The following AMMECR1 variants were observed in gnomAD, a reference collection of about 807,000 sequenced individuals.
AMMECR1 encodes nuclear protein AMMECR1.
A neutral mutation model predicts 22.5 loss-of-function variants in AMMECR1; 3 were observed. The ratio of observed to expected loss-of-function variants is 0.13; its 90% CI spans 0.06 to 0.35. The LOEUF (loss-of-function observed/expected upper bound fraction) is 0.35. Among genes scored for constraint, AMMECR1 ranks in the 10% least tolerant of loss-of-function variants. AMMECR1 has a pLI of 1.00. For synonymous variants in AMMECR1, 130 were observed against 116.7 expected (o/e 1.11, Z -0.74); for missense variants, 235 against 278.7 (o/e 0.84, Z 1.12).
At chrX:110,300,290 A>G (rs1462148392) in intron 1 of AMMECR1, among the ~76,000 whole-genome samples, 1 of 112,113 alleles carries the variant, frequency 8.9e-6, no homozygotes, top group Non-Finnish European at 1.9e-5. Context: ...AGTGATGTTG[A>G]GCACCTTTTC....
chrX:110,305,335 A>C (rs1020173253), intron 1 of AMMECR1: 1 of 112,479 alleles, frequency 8.9e-6, no homozygotes, highest in Non-Finnish European at 1.9e-5. Flanking sequence ...AGACTTCAAC[A>C]AATATTCATT....
chrX:110,215,199 C>T (rs1433102640), intron 3 of AMMECR1, among the ~76,000 whole-genome samples: 1 of 111,826 alleles, frequency 8.9e-6, no homozygotes, highest in Non-Finnish European at 1.9e-5. Context: ...TGTTCATATT[C>T]TGATAATGCT....
intron 2 of AMMECR1, among the ~76,000 whole-genome samples, chrX:110,341,934 C>A (rs2068165969): frequency 9.0e-6 from 1 of 110,569 alleles, no homozygotes; most frequent in Admixed American, 9.6e-5. Flanking sequence ...TGGCACAGGC[C>A]TGTAGTCCAA....
At chrX:110,398,506 C>A (rs963923421) in intron 2 of AMMECR1, among the ~76,000 whole-genome samples, 8 of 112,475 alleles carry the variant, frequency 7.1e-5, no homozygotes, top group African/African-American at 2.6e-4. Flanking sequence ...ATCCTTCACT[C>A]AGTTTCTCCT....
chrX:110,330,476 T>C (rs1281391689), intron 2 of AMMECR1, among the ~76,000 whole-genome samples: 1 of 112,245 alleles, frequency 8.9e-6, no homozygotes, highest in Admixed American at 9.4e-5. Flanking sequence ...GCATAAGCAC[T>C]GAAATTGAGA....
intron 2 of AMMECR1, among the ~76,000 whole-genome samples, chrX:110,250,240 A>AT (rs1174890838): frequency 8.9e-6 from 1 of 111,940 alleles, no homozygotes; most frequent in African/African-American, 3.2e-5. Flanking sequence ...CTATTCTGGA[A>AT]TTTGTAATGA....
intron 1 of AMMECR1, among the ~76,000 whole-genome samples, chrX:110,429,899 G>T (rs1423221067): frequency 8.9e-6 from 1 of 112,317 alleles, no homozygotes; most frequent in Non-Finnish European, 1.9e-5. Context: ...CAATACCTGA[G>T]GTCTTTGAAG....
chrX:110,398,555 T>C (rs1484907921), intron 2 of AMMECR1, among the ~76,000 whole-genome samples: 1 of 112,547 alleles, frequency 8.9e-6, no homozygotes, highest in Non-Finnish European at 1.9e-5. Flanking sequence ...TGTCTGTTTT[T>C]ACAAATGATG....
chrX:110,235,727 AC>A (rs1195128586), intron 2 of AMMECR1, among the ~76,000 whole-genome samples: 1 of 111,860 alleles, frequency 8.9e-6, no homozygotes, highest in Non-Finnish European at 1.9e-5. Context: ...GAAACCAAAC[AC>A]CACATGTTTT....
chrX:110,252,420 C>T (rs1264583371), intron 2 of AMMECR1, among the ~76,000 whole-genome samples: 1 of 110,195 alleles, frequency 9.1e-6, no homozygotes, highest in Admixed American at 9.7e-5. Flanking sequence ...CTGTTCCCCA[C>T]AAAAAGAAAA....
intron 2 of AMMECR1, among the ~76,000 whole-genome samples, chrX:110,248,391 AAAAG>A (rs888715225): frequency 7.0e-5 from 7 of 99,833 alleles, no homozygotes; most frequent in African/African-American, 3.3e-4. Context: ...GTCTCAAAAA[AAAAG>A]AAAAGAAAAG....
intron 2 of AMMECR1, among the ~76,000 whole-genome samples, chrX:110,368,706 C>T (rs2068315459): frequency 8.9e-6 from 1 of 112,083 alleles, no homozygotes. Context: ...TCTATCTTCA[C>T]CACTAGAATA....
chrX:110,356,230 G>A (rs1451782341), intron 2 of AMMECR1, among the ~76,000 whole-genome samples: 3 of 102,410 alleles, frequency 2.9e-5, no homozygotes, highest in African/African-American at 1.1e-4. Context: ...TCGGCTCACT[G>A]CAACCTTCAC....
intron 1 of AMMECR1, among the ~76,000 whole-genome samples, chrX:110,287,522 T>A (rs1438494745): frequency 8.9e-6 from 1 of 111,795 alleles, no homozygotes. Context: ...CCTGGTTTCC[T>A]GAGTATCACC....
intron 1 of AMMECR1, among the ~76,000 whole-genome samples, chrX:110,267,371 C>T (rs937286386): frequency 9.2e-6 from 1 of 108,928 alleles, no homozygotes; most frequent in African/African-American, 3.3e-5. Flanking sequence ...TTTTAATGAT[C>T]GCCATCCTGT....
chrX:110,396,582 A>G (rs2148292042), intron 2 of AMMECR1, among the ~76,000 whole-genome samples: 1 of 112,158 alleles, frequency 8.9e-6, no homozygotes, highest in African/African-American at 3.2e-5. Context: ...CAGAGCTGGA[A>G]TTACAGTTTG....
chrX:110,288,359 G>A (rs2067891337), intron 1 of AMMECR1, among the ~76,000 whole-genome samples: 1 of 111,765 alleles, frequency 8.9e-6, no homozygotes, highest in Non-Finnish European at 1.9e-5. Context: ...ATTTGGTAGA[G>A]AAACAGGGAA....
intron 2 of AMMECR1, among the ~76,000 whole-genome samples, chrX:110,328,374 A>G (rs1460783131): frequency 9.0e-6 from 1 of 111,100 alleles, no homozygotes; most frequent in Non-Finnish European, 1.9e-5. Flanking sequence ...AAGTATTCTA[A>G]CAAGTAGACC....
In AMMECR1 at chrX:110,431,685, G is replaced by A. The variant is rs766809114; in HGVS notation, c.-293-4882C>T. ...AGGTTGCCCTGATGACTTTGCCAAT[G>A]TGTTCATTGCCCCTGTCCTGCTGGG... is the stretch of plus-strand genomic sequence containing the variant. On this transcript the variant is annotated intron_variant, in intron 1 of 7. Transcript: ENST00000372057. Among the ~76,000 whole-genome samples the A allele has an allele frequency of 2.7e-5, 3 of 111,889 alleles. No homozygotes were observed. The East Asian group carries it at 8.4e-4, about 31-fold the overall frequency.
Sources: allele counts gnomAD v4.1 joint callset (sites outside exome capture counted in the v4.1 genomes callset), GRCh38; gene constraint gnomAD v4.1.1; transcripts MANE v1.5; gene names NCBI Gene and HGNC (gene_info 2026-07-23, HGNC 2026-07-21).